Variants in CPEB1 observed in about 807,000 individuals in gnomAD.
CPEB1 encodes cytoplasmic polyadenylation element binding protein 1.
CPEB1 carries 7 observed loss-of-function variants against 65.8 expected under a neutral mutation model. That is an observed-to-expected ratio of 0.11 (90% CI 0.06 to 0.20). The LOEUF is 0.20. Among genes scored for constraint, CPEB1 ranks in the 10% least tolerant of loss-of-function variants. CPEB1 has a pLI of 1.00. For missense variants in CPEB1, 551 were observed against 712.2 expected, an observed-to-expected ratio of 0.77 and a Z score of 2.58; for synonymous variants, 262 against 260.0, an observed-to-expected ratio of 1.01 and a Z score of -0.08.
chr15:82,629,939 G>A (rs1385899570), intron 1 of CPEB1: 1 of 985,390 alleles, frequency 1.0e-6, no homozygotes, highest in Non-Finnish European at 1.2e-6. Context: ...AAACTGTGAA[G>A]ACGACCAAAA....
intron 4 of CPEB1, among the ~76,000 whole-genome samples, chr15:82,568,065 T>TA (rs1415617482): frequency 6.6e-6 from 1 of 152,224 alleles, no homozygotes; most frequent in South Asian, 2.1e-4. Context: ...CCCAATATGT[T>TA]AGAGTTCTGC....
chr15:82,557,125 C>T (rs1331140498), intron 5 of CPEB1, among the ~76,000 whole-genome samples: 1 of 152,170 alleles, frequency 6.6e-6, no homozygotes, highest in Non-Finnish European at 1.5e-5. Flanking sequence ...TCTATAATAT[C>T]CCCTACCTAT....
chr15:82,600,816 TG>T (rs1438988796), intron 3 of CPEB1, among the ~76,000 whole-genome samples: 5 of 151,344 alleles, frequency 3.3e-5, no homozygotes, highest in Admixed American at 2.6e-4. Flanking sequence ...CAAAACGACA[TG>T]GGTTTGGACA....
intron 1 of CPEB1, chr15:82,629,638 G>A: frequency 1.0e-6 from 1 of 981,128 alleles, no homozygotes. Context: ...TTGGTTGACA[G>A]ATTGAGTTTT....
intron 1 of CPEB1, among the ~76,000 whole-genome samples, chr15:82,642,416 G>A (rs968401958): frequency 4.6e-5 from 7 of 152,136 alleles, no homozygotes; most frequent in African/African-American, 1.4e-4. Flanking sequence ...CAAACATGTT[G>A]AATGGCTGTA....
chr15:82,609,586 C>G (rs117259394), intron 3 of CPEB1, among the ~76,000 whole-genome samples: 4,317 of 150,108 alleles, frequency 0.029, 105 homozygotes, highest in Non-Finnish European at 0.04. Flanking sequence ...AAACACAAAG[C>G]AAGTAGAGGA....
intron 3 of CPEB1, among the ~76,000 whole-genome samples, chr15:82,611,114 T>C (rs1250855573): frequency 6.6e-6 from 1 of 151,780 alleles, no homozygotes; most frequent in Non-Finnish European, 1.5e-5. Context: ...TACTGAAGAT[T>C]TTAGCCAGCA....
intron 3 of CPEB1, chr15:82,571,976 A>G: frequency 4.1e-6 from 2 of 490,154 alleles, no homozygotes; most frequent in Non-Finnish European, 5.3e-6. Flanking sequence ...GTTGCAAGGC[A>G]GCGCCCTCCG....
At chr15:82,568,252 G>A (rs139777261) in intron 4 of CPEB1, among the ~76,000 whole-genome samples, 3 of 152,170 alleles carry the variant, frequency 2.0e-5, no homozygotes, top group African/African-American at 4.8e-5. Context: ...AAAATTAGTC[G>A]ATAAATGGTG....
intron 3 of CPEB1, chr15:82,571,734 A>C: frequency 7.1e-7 from 1 of 1,417,576 alleles, no homozygotes; most frequent in Non-Finnish European, 9.2e-7. Context: ...CTCCCCTCAC[A>C]CACACACCCC....
At chr15:82,647,782 C>G (rs1455188277), upstream of CPEB1, 6 of 1,224,384 alleles carry the variant, frequency 4.9e-6, no homozygotes, top group East Asian at 1.3e-4. Flanking sequence ...GGCGCCGGAC[C>G]CGGCTGCGCG....
chr15:82,644,864 G>A (rs1011919300), intron 1 of CPEB1, among the ~76,000 whole-genome samples: 6 of 152,224 alleles, frequency 3.9e-5, no homozygotes, highest in Admixed American at 2.6e-4. Flanking sequence ...TTGGTCACTA[G>A]TTAAGTTTGG....
At chr15:82,564,347 G>T (rs923610226) in intron 4 of CPEB1, among the ~76,000 whole-genome samples, 3 of 151,970 alleles carry the variant, frequency 2.0e-5, no homozygotes, top group Non-Finnish European at 4.4e-5. Flanking sequence ...GTGCGGTGGC[G>T]TGATCTCAGC....
chr15:82,609,616 G>A (rs748322491), intron 3 of CPEB1, among the ~76,000 whole-genome samples: 2 of 150,052 alleles, frequency 1.3e-5, no homozygotes, highest in Non-Finnish European at 3.0e-5. Flanking sequence ...GATTAAAGTC[G>A]AAATAATGTC....
intron 1 of CPEB1, chr15:82,641,689 T>C (rs1035859129): frequency 2.1e-5 from 3 of 145,618 alleles, no homozygotes; most frequent in African/African-American, 7.7e-5. Context: ...ATGCCTTAAA[T>C]AAATCAAAAC....
intron 3 of CPEB1, among the ~76,000 whole-genome samples, chr15:82,578,001 A>G (rs990740112): frequency 6.6e-6 from 1 of 152,052 alleles, no homozygotes; most frequent in Admixed American, 6.5e-5. Context: ...TTAGCCGGGC[A>G]TGGTGGCAGG....
Position 82,544,359 on chromosome 15 carries a change from T to G in CPEB1, c.*233A>C. On this transcript the variant is annotated 3_prime_UTR_variant, in exon 13 of 13. Transcript: ENST00000684509. ...GAAAACTACAGAGTCGCTTGGAGGG[T>G]AAGCCAGAGGGTCCTTGCCCTTGGT... The G allele has an allele frequency of 5.5e-5, 16 of 291,468 alleles. No homozygotes were observed. Among genetic ancestry groups the G allele is most frequent in the Non-Finnish European group, 8.1e-5 (13 of 159,784 alleles). 18.1% of individuals were successfully genotyped at this position (291,468 alleles called of 1,614,324 possible).
chr15:82,564,027 C>T lies in CPEB1; in HGVS notation c.461-6041G>A, dbSNP rs375233905. ...ATCTTTTAAACATGCTTTTTAAAGT[C>T]TCAAAAAAATCTGCATAGATATTTG... On this transcript the variant is annotated intron_variant, in intron 4 of 12. Coordinates refer to ENST00000684509, the MANE Select transcript of CPEB1 (RefSeq NM_001365242.1). 1.1e-3 allele frequency among the ~76,000 whole-genome samples: 164 copies of T among 152,126 alleles called. 1 individual carries two copies. Among genetic ancestry groups the T allele is most frequent in the African/African-American group, 3.8e-3 (158 of 41,494 alleles).
chr15:82,642,081 T>C (rs1164782162), intron 1 of CPEB1, among the ~76,000 whole-genome samples: 1 of 152,230 alleles, frequency 6.6e-6, no homozygotes, highest in Non-Finnish European at 1.5e-5. Flanking sequence ...GCTAGTTTAC[T>C]ATAATTGAGA....
Sources: gnomAD v4.1 joint callset for allele counts (sites outside exome capture counted in the v4.1 genomes callset) on GRCh38, gnomAD v4.1.1 for gene constraint, MANE v1.5 for transcripts, NCBI Gene and HGNC (gene_info 2026-07-23, HGNC 2026-07-21) for gene names.